The following GABRB1 variants were observed in gnomAD, a reference collection of about 807,000 sequenced individuals.
The protein encoded by GABRB1 is gamma-aminobutyric acid receptor subunit beta-1.
A neutral mutation model predicts 51.6 loss-of-function variants in GABRB1; 17 were observed. The ratio of observed to expected loss-of-function variants is 0.33; its 90% CI spans 0.23 to 0.49. The LOEUF (loss-of-function observed/expected upper bound fraction) is 0.49. Ranked by LOEUF, GABRB1 falls within the 20% of genes least tolerant of loss-of-function variation. The pLI is 0.99. For missense variants in GABRB1, 410 were observed against 600.6 expected (o/e 0.68, Z 3.32); for synonymous variants, 247 against 218.9 (o/e 1.13, Z -1.14).
At chr4:46,996,230 G>A (rs1358083844) in intron 1 of GABRB1, among the ~76,000 whole-genome samples, 2 of 152,060 alleles carry the variant, frequency 1.3e-5, no homozygotes, top group Non-Finnish European at 2.9e-5. Flanking sequence ...TGCAGAAATA[G>A]GAAGGTGTTA....
At chr4:47,257,080 G>A (rs1046424497) in intron 4 of GABRB1, among the ~76,000 whole-genome samples, 1 of 152,108 alleles carries the variant, frequency 6.6e-6, no homozygotes, top group African/African-American at 2.4e-5. Context: ...TTCCATCTGG[G>A]TTTAGTCAAT....
chr4:47,367,634 G>C (rs1452078125), intron 5 of GABRB1, among the ~76,000 whole-genome samples: 1 of 152,182 alleles, frequency 6.6e-6, no homozygotes, highest in Non-Finnish European at 1.5e-5. Context: ...GTCCCGTGTG[G>C]CAGCTCTTTG....
intron 3 of GABRB1, among the ~76,000 whole-genome samples, chr4:47,105,228 GT>G (rs1292890356): frequency 6.6e-6 from 1 of 151,986 alleles, no homozygotes; most frequent in African/African-American, 2.4e-5. Flanking sequence ...TTACCAGAGG[GT>G]TTTTCTCAAT....
intron 3 of GABRB1, among the ~76,000 whole-genome samples, chr4:47,086,252 T>C (rs1411658297): frequency 2.0e-5 from 3 of 152,198 alleles, no homozygotes; most frequent in Non-Finnish European, 4.4e-5. Flanking sequence ...AATATTCAGC[T>C]CTTCAAAGAT....
At chr4:47,187,904 A>G (rs1288248008) in intron 4 of GABRB1, among the ~76,000 whole-genome samples, 2 of 151,906 alleles carry the variant, frequency 1.3e-5, no homozygotes, top group Non-Finnish European at 2.9e-5. Flanking sequence ...TTCTCCAGAT[A>G]TCCACAAAGC....
chr4:47,292,719 C>A (rs1005498839), intron 4 of GABRB1, among the ~76,000 whole-genome samples: 1 of 152,048 alleles, frequency 6.6e-6, no homozygotes, highest in Non-Finnish European at 1.5e-5. Context: ...CTGGAGGCTG[C>A]GAAATCCAAG....
chr4:47,338,647 T>C (rs1443343609), intron 5 of GABRB1, among the ~76,000 whole-genome samples: 2 of 152,238 alleles, frequency 1.3e-5, no homozygotes, highest in African/African-American at 4.8e-5. Context: ...AGCTTATCCC[T>C]GTGTACCTCA....
At chr4:47,260,300 T>C (rs1033557367) in intron 4 of GABRB1, among the ~76,000 whole-genome samples, 25 of 152,288 alleles carry the variant, frequency 1.6e-4, no homozygotes, top group African/African-American at 5.8e-4. Context: ...TCTGTGTCTT[T>C]TAATTGGAGC....
At chr4:47,166,218 C>T (rs1718179831) in intron 4 of GABRB1, among the ~76,000 whole-genome samples, 3 of 152,026 alleles carry the variant, frequency 2.0e-5, no homozygotes, top group Admixed American at 2.0e-4. Context: ...ACAGTTGACT[C>T]AGGAATAACA....
At chr4:47,309,379 T>C (rs1724584327) in intron 4 of GABRB1, among the ~76,000 whole-genome samples, 1 of 152,146 alleles carries the variant, frequency 6.6e-6, no homozygotes, top group South Asian at 2.1e-4. Context: ...GGCCCATTTA[T>C]GCAACCTTTG....
intron 1 of GABRB1, among the ~76,000 whole-genome samples, chr4:47,006,096 TC>T (rs1306869961): frequency 3.3e-5 from 5 of 151,940 alleles, no homozygotes; most frequent in Non-Finnish European, 7.4e-5. Flanking sequence ...ATTTTGACAT[TC>T]TTTGACAATG....
At chr4:46,997,864 T>C (rs1437098562) in intron 1 of GABRB1, among the ~76,000 whole-genome samples, 3 of 152,216 alleles carry the variant, frequency 2.0e-5, no homozygotes, top group Non-Finnish European at 4.4e-5. Context: ...TTGACTATTA[T>C]GAATAATGCT....
intron 8 of GABRB1, among the ~76,000 whole-genome samples, chr4:47,412,246 T>C (rs1728782190): frequency 6.6e-6 from 1 of 152,240 alleles, no homozygotes; most frequent in Non-Finnish European, 1.5e-5. Flanking sequence ...CATTGTTCTT[T>C]CCTCAGTAGC....
rs961394022 is a variant in GABRB1, at chr4:47,149,201, T to C, written c.241-12048T>C. The stretch of plus-strand genomic sequence containing the variant: ...AAATGCTGATCATACAGTTAAATGT[T>C]CAGAAACAGACAGAAATTATTATTA... On this transcript the variant is annotated intron_variant, in intron 3 of 8. Coordinates refer to ENST00000295454, the MANE Select transcript of GABRB1 (RefSeq NM_000812.4). 6.6e-5 allele frequency among the ~76,000 whole-genome samples: 10 copies of C among 152,008 alleles called. No individual in the cohort carries two copies. The East Asian group carries it at 1.7e-3, about 27-fold the overall frequency.
At chr4:47,350,212 T>TATATAC (rs1726266454) in intron 5 of GABRB1, among the ~76,000 whole-genome samples, 1 of 85,644 alleles carries the variant, frequency 1.2e-5, no homozygotes, top group African/African-American at 5.1e-5. Context: ...TATATATATA[T>TATATAC]ATATATAGAG....
At position 47,425,480 on chromosome 4, in the gene GABRB1, TGATAGATAGATA is replaced by T. The variant is rs3138735; in HGVS notation, c.1081-166_1081-155del. Among the ~76,000 whole-genome samples, 24 of 142,434 alleles carry T rather than the reference TGATAGATAGATA, an allele frequency of 1.7e-4. No individual in the cohort carries two copies. In the South Asian group the frequency reaches 3.1e-3, roughly 18 times the overall value. The allele number at this position is 142,434 out of a possible 152,430, so 93.4% of individuals were successfully genotyped here. A position where few individuals can be genotyped will look rare whatever the true frequency, so the allele number is the denominator to read the frequency against. ...AGCTAGCAAGGTGGATGGATGATGATGATAGATAGATAGATAGATAGATAGATAGATAGATAG... is the reference window on the plus strand; with the variant it reads ...AGCTAGCAAGGTGGATGGATGATGATGATAGATAGATAGATAGATAGATAG... On this transcript the variant is annotated intron_variant, in intron 8 of 8. Coordinates refer to ENST00000295454, the MANE Select transcript of GABRB1 (RefSeq NM_000812.4).
chr4:47,178,944 C>G (rs1046407405), intron 4 of GABRB1, among the ~76,000 whole-genome samples: 2 of 151,994 alleles, frequency 1.3e-5, no homozygotes, highest in Admixed American at 1.3e-4. Context: ...GTTAGTACAG[C>G]ATGGCTATAA....
chr4:47,246,074 TC>T (rs57849032), intron 4 of GABRB1, among the ~76,000 whole-genome samples: 8 of 145,938 alleles, frequency 5.5e-5, no homozygotes, highest in East Asian at 2.0e-4. Context: ...TCTCTCATTC[TC>T]CCCCCCCAAG....
At chr4:47,028,160 T>G (rs1006408734), upstream of GABRB1, among the ~76,000 whole-genome samples, 10 of 151,768 alleles carry the variant, frequency 6.6e-5, no homozygotes, top group African/African-American at 2.4e-4. Flanking sequence ...ACTTAATTAT[T>G]TTTTTAAATA....
Sources: gnomAD v4.1 joint callset for allele counts (sites outside exome capture counted in the v4.1 genomes callset) on GRCh38, gnomAD v4.1.1 for gene constraint, MANE v1.5 for transcripts, NCBI Gene and HGNC (gene_info 2026-07-23, HGNC 2026-07-21) for gene names.